Variants in CHLSN observed in about 807,000 individuals in gnomAD.
CHLSN encodes protein cholesin.
chr7:1,005,359 G>A, the CHLSN span, among the ~76,000 whole-genome samples: 1 of 152,312 alleles, frequency 6.6e-6, no homozygotes, highest in African/African-American at 2.4e-5. Flanking sequence ...AAAACTGAGC[G>A]AGGGTCTCTA....
the CHLSN span, among the ~76,000 whole-genome samples, chr7:1,103,002 G>A: frequency 1.3e-5 from 2 of 152,316 alleles, no homozygotes; most frequent in East Asian, 1.9e-4. Context: ...TTGCCGTCTA[G>A]ACCCCGACCC....
chr7:1,052,094 C>T, the CHLSN span, among the ~76,000 whole-genome samples: 2 of 152,254 alleles, frequency 1.3e-5, no homozygotes, highest in Non-Finnish European at 2.9e-5. The surrounding 1 kb of genome is among the most constrained non-coding windows in gnomAD (Gnocchi z 4.2). Context: ...CAGCTGAGGC[C>T]CAGGCAGGGC....
At chr7:1,070,815 C>CCACATGTG in the CHLSN span, among the ~76,000 whole-genome samples, 2,839 of 71,918 alleles carry the variant, frequency 0.039, 95 homozygotes, top group East Asian at 0.21. Context: ...GCACACACAT[C>CCACATGTG]CACACGTGCA....
the CHLSN span, among the ~76,000 whole-genome samples, chr7:1,020,199 C>A: frequency 6.6e-6 from 1 of 152,224 alleles, no homozygotes; most frequent in Non-Finnish European, 1.5e-5. Context: ...TCTTCCCACG[C>A]CGCGGAGTGC....
chr7:1,023,622 GAAACACACACAC>G, the CHLSN span, among the ~76,000 whole-genome samples: 2 of 95,436 alleles, frequency 2.1e-5, no homozygotes, highest in Non-Finnish European at 4.3e-5. The surrounding 1 kb of genome is among the most constrained non-coding windows in gnomAD (Gnocchi z 5.0). Flanking sequence ...CTCCTCCCAG[GAAACACACACAC>G]ACACACACAC....
the CHLSN span, chr7:1,055,423 T>C: frequency 2.1e-6 from 1 of 468,198 alleles, no homozygotes; most frequent in South Asian, 1.5e-5. Flanking sequence ...TGTCCCGCCA[T>C]GCTGCTCACC....
chr7:1,040,690 C>CAAAAAAAAAAAAAAAAA, the CHLSN span, among the ~76,000 whole-genome samples: 2 of 145,340 alleles, frequency 1.4e-5, no homozygotes, highest in Non-Finnish European at 1.5e-5. Context: ...TTAAAAAGAA[C>CAAAAAAAAAAAAAAAAA]AAAAAAAAAA....
the CHLSN span, chr7:1,055,588 A>G: frequency 1.1e-4 from 40 of 377,404 alleles, no homozygotes; most frequent in African/African-American, 5.0e-4. Context: ...CAGGTGGGAG[A>G]GAGGACGCAG....
At chr7:1,076,850 T>A in the CHLSN span, among the ~76,000 whole-genome samples, 1 of 152,202 alleles carries the variant, frequency 6.6e-6, no homozygotes, top group African/African-American at 2.4e-5. Flanking sequence ...CTAGCCACAC[T>A]TCCTGCACAG....
the CHLSN span, among the ~76,000 whole-genome samples, chr7:1,100,031 C>T: frequency 1.3e-5 from 2 of 152,220 alleles, no homozygotes; most frequent in Non-Finnish European, 2.9e-5. Context: ...AGAGGAACAT[C>T]TGAGCCCCCG....
the CHLSN span, among the ~76,000 whole-genome samples, chr7:983,897 A>G: frequency 1.3e-5 from 2 of 152,206 alleles, no homozygotes; most frequent in Non-Finnish European, 2.9e-5. Context: ...CCTGACTAGC[A>G]CTGTCGCTCT....
chr7:1,103,252 A>T, the CHLSN span, among the ~76,000 whole-genome samples: 1 of 152,220 alleles, frequency 6.6e-6, no homozygotes, highest in Non-Finnish European at 1.5e-5. Context: ...ACAAGTGTGC[A>T]TGCTGGGCAA....
chr7:1,081,297 C>T, the CHLSN span, among the ~76,000 whole-genome samples: 9 of 152,200 alleles, frequency 5.9e-5, no homozygotes, highest in African/African-American at 1.9e-4. Context: ...TTTGAGAGGG[C>T]TTCGGGGATA....
chr7:1,093,294 G>A, the CHLSN span: 2,871 of 429,458 alleles, frequency 6.7e-3, 68 homozygotes, highest in African/African-American at 0.052. Context: ...GGGAACTGAC[G>A]CTGGAGATGC....
At chr7:990,425 GC>G in the CHLSN span, among the ~76,000 whole-genome samples, 1 of 152,130 alleles carries the variant, frequency 6.6e-6, no homozygotes, top group East Asian at 1.9e-4. Flanking sequence ...GACGGCCCTG[GC>G]CCCCGTCCCA....
At chr7:1,034,099 T>C in the CHLSN span, among the ~76,000 whole-genome samples, 1 of 152,230 alleles carries the variant, frequency 6.6e-6, no homozygotes, top group Non-Finnish European at 1.5e-5. Flanking sequence ...TCAGAAGGCA[T>C]GGGACCGCAG....
chr7:1,092,504 G>C, the CHLSN span: 4 of 1,607,784 alleles, frequency 2.5e-6, no homozygotes, highest in Non-Finnish European at 3.4e-6. Context: ...AAGGCGCTCC[G>C]CATGATCCTC....
chr7:1,126,412 C>T, the CHLSN span, among the ~76,000 whole-genome samples: 1 of 147,760 alleles, frequency 6.8e-6, no homozygotes. Context: ...GGTGCGGTGG[C>T]TCACACCTGT....
the CHLSN span, among the ~76,000 whole-genome samples, chr7:1,034,061 G>A: frequency 2.0e-5 from 3 of 152,342 alleles, no homozygotes; most frequent in Non-Finnish European, 2.9e-5. Context: ...GAGAATCTAC[G>A]AAATAAATCC....
Sources: allele counts gnomAD v4.1 joint callset (sites outside exome capture counted in the v4.1 genomes callset), GRCh38; gene constraint gnomAD v4.1.1; non-coding constraint Gnocchi (gnomAD v3.1); transcripts MANE v1.5; gene names NCBI Gene and HGNC (gene_info 2026-07-23, HGNC 2026-07-21).